The following NSD1 variants were observed in gnomAD, a reference collection of about 807,000 sequenced individuals.
NSD1 encodes nuclear receptor binding SET domain protein 1, also known as histone-lysine N-methyltransferase, H3 lysine-36 specific.
Under a neutral mutation model 242.7 loss-of-function variants are expected in NSD1, and 26 were observed. That is an observed-to-expected ratio of 0.11 (90% CI 0.08 to 0.15). The LOEUF (loss-of-function observed/expected upper bound fraction) is 0.15. Among genes scored for constraint, NSD1 ranks in the 10% least tolerant of loss-of-function variants. The pLI is 1.00. For missense variants in NSD1, 2,495 were observed against 3,272.8 expected (o/e 0.76, Z 5.80); for synonymous variants, 1,106 against 1,178.1 (o/e 0.94, Z 1.25).
At chr5:177,182,523 C>G (rs918947143) in intron 2 of NSD1, among the ~76,000 whole-genome samples, 5 of 152,122 alleles carry the variant, frequency 3.3e-5, no homozygotes, top group African/African-American at 1.2e-4. Flanking sequence ...AAATCCTGGA[C>G]TCAAGTGATT....
In NSD1 at chr5:177,295,601, C is replaced by A; in HGVS notation, c.*142C>A. On this transcript the variant is annotated 3_prime_UTR_variant, in exon 23 of 23. Transcript: ENST00000439151. This position sits in a 1 kb window ranked among gnomAD's most constrained non-coding sequence, Gnocchi z 4.3. ...CTGTTATTCTTTCCTCATATCCCAA[C>A]ACTCAGAACTCTTGTGACATTAGCC... The A allele has an allele frequency of 2.2e-6, 2 of 893,882 alleles. No homozygotes were observed. The highest frequency in any genetic ancestry group is 3.6e-6 in the Non-Finnish European group (2 of 558,138). 55.4% of individuals were successfully genotyped at this position (893,882 alleles called of 1,614,324 possible). A position where few individuals can be genotyped will look rare whatever the true frequency, so the allele number is the denominator to read the frequency against.
chr5:177,298,509 C>T lies in NSD1; in HGVS notation c.*3050C>T, dbSNP rs1760387889. On this transcript the variant is annotated 3_prime_UTR_variant, in exon 23 of 23. Transcript: ENST00000439151. ...CCCAGTCTAATAGCAAAATAGCTGTCATTGATACAGAAACATCCTCATTTT... is the reference window on the plus strand; with the variant it reads ...CCCAGTCTAATAGCAAAATAGCTGTTATTGATACAGAAACATCCTCATTTT... The T allele has an allele frequency of 8.6e-6, 2 of 233,212 alleles. No individual in the cohort carries two copies. Among genetic ancestry groups the T allele is most frequent in the Non-Finnish European group, 1.7e-5 (2 of 118,070 alleles). 14.4% of individuals were successfully genotyped at this position (233,212 alleles called of 1,614,324 possible).
intron 2 of NSD1, among the ~76,000 whole-genome samples, chr5:177,188,201 GTGTC>G (rs1477233807): frequency 1.1e-4 from 17 of 152,134 alleles, no homozygotes; most frequent in African/African-American, 4.1e-4. Context: ...ATTTATTTTA[GTGTC>G]TGTCTCTGCA....
At position 177,251,821 on chromosome 5, in the gene NSD1, G is replaced by C; in HGVS notation, c.4733G>C (p.Arg1578Thr). The C allele has an allele frequency of 6.2e-7, 1 of 1,614,230 alleles. No individual in the cohort carries two copies. The highest frequency in any genetic ancestry group is 8.5e-7 in the Non-Finnish European group (1 of 1,180,038). Residue 1578 changes from arginine (R) to threonine (T), a missense_variant, in exon 12 of 23, where the codon AGA becomes ACA. By Grantham distance (71) the Arg-to-Thr change is moderately conservative. Coordinates refer to ENST00000439151, the MANE Select transcript of NSD1 (RefSeq NM_022455.5). ...TGCCTTGGATTGACTGAGATGCCAA[G>C]AGGAAAATTTATCTGCAATGAATGT... is the stretch of plus-strand genomic sequence containing the variant. ...LECLGLTEMPRGKFICNECRT... is the reference protein window; with the variant it reads ...LECLGLTEMPTGKFICNECRT...
chr5:177,165,389 G>A (rs1330225814), intron 2 of NSD1, among the ~76,000 whole-genome samples: 2 of 152,070 alleles, frequency 1.3e-5, no homozygotes, highest in South Asian at 2.1e-4. Flanking sequence ...GATTGGTCTC[G>A]AACTCCTGAG....
At chr5:177,172,961 CAAAAA>C (rs1157349270) in intron 2 of NSD1, among the ~76,000 whole-genome samples, 3 of 66,018 alleles carry the variant, frequency 4.5e-5, no homozygotes, top group Admixed American at 1.9e-4. Context: ...GACCCTGTCT[CAAAAA>C]AAAAAAAAAA....
intron 14 of NSD1, chr5:177,265,935 T>G: frequency 1.5e-6 from 2 of 1,329,910 alleles, no homozygotes; most frequent in Non-Finnish European, 2.2e-6. Context: ...TCTACCTCCT[T>G]TATGAGGCAG....
rs1763266375 is a variant in NSD1 at position 177,210,678 on chromosome 5, G to C, written c.2279G>C (p.Ser760Thr). The C allele has an allele frequency of 6.2e-7, 1 of 1,614,152 alleles. No individual in the cohort carries two copies. Among genetic ancestry groups the C allele is most frequent in the Non-Finnish European group, 8.5e-7 (1 of 1,180,024 alleles). The change falls in exon 5 of 23, where the codon AGC becomes ACC. Residue 760 changes from serine (S) to threonine (T), a missense_variant. Coordinates refer to ENST00000439151, the MANE Select transcript of NSD1 (RefSeq NM_022455.5). Reference sequence around the variant, plus strand: ...TCTCCAAAATTCAACCTGTCATCAAGCATATCCAGTGAGAACTCGTTAATA... The same window carrying C: ...TCTCCAAAATTCAACCTGTCATCAACCATATCCAGTGAGAACTCGTTAATA... ...ALSPKFNLSS[S>T]ISSENSLIKG...
chr5:177,195,100 C>T (rs1194269694), intron 3 of NSD1, among the ~76,000 whole-genome samples: 3 of 151,948 alleles, frequency 2.0e-5, no homozygotes, highest in Admixed American at 6.6e-5. Flanking sequence ...TGGAGGTTGC[C>T]GTGATCCAAG....
chr5:177,160,134 G>C (rs1003518502), intron 2 of NSD1, among the ~76,000 whole-genome samples: 1 of 151,952 alleles, frequency 6.6e-6, no homozygotes, highest in East Asian at 1.9e-4. Context: ...CAGGTGATGT[G>C]CCTGCCTCCG....
At chr5:177,240,860 C>CA (rs1244393053) in intron 8 of NSD1, among the ~76,000 whole-genome samples, 1 of 151,638 alleles carries the variant, frequency 6.6e-6, no homozygotes, top group African/African-American at 2.4e-5. Context: ...AAAACTGTCC[C>CA]AAAAAAACCC....
In NSD1 at chr5:177,235,801, A is replaced by C; in HGVS notation, c.3797-20A>C. 1.9e-6 allele frequency: 3 copies of C among 1,613,828 alleles called. No individual in the cohort carries two copies. Among genetic ancestry groups the C allele is most frequent in the South Asian group, 1.1e-5 (1 of 91,056 alleles). ...CCTGAAGCTTTTTGATTAATGTTGAATTTGTTTATCATCTTTTAGCTGTGC... is the reference window on the plus strand; with the variant it reads ...CCTGAAGCTTTTTGATTAATGTTGACTTTGTTTATCATCTTTTAGCTGTGC... On this transcript the variant is annotated intron_variant, in intron 5 of 22. Coordinates refer to ENST00000439151, the MANE Select transcript of NSD1 (RefSeq NM_022455.5).
intron 21 of NSD1, among the ~76,000 whole-genome samples, chr5:177,290,327 T>G (rs1234248203): frequency 6.6e-6 from 1 of 151,820 alleles, no homozygotes; most frequent in Non-Finnish European, 1.5e-5. Context: ...ATGTTCCATA[T>G]GCCTTTTTGA....
In NSD1 at chr5:177,285,641, A is replaced by G. The variant is rs184133573; in HGVS notation, c.6151+1713A>G. On this transcript the variant is annotated intron_variant, in intron 20 of 22. Transcript: ENST00000439151. ...GTACAAGAAAGTTATGATTTTTCAAATGTAGTTTTGCAAGGATATGAGCAA... is the reference window on the plus strand; with the variant it reads ...GTACAAGAAAGTTATGATTTTTCAAGTGTAGTTTTGCAAGGATATGAGCAA... 2.7e-4 allele frequency among the ~76,000 whole-genome samples: 41 copies of G among 152,000 alleles called. 1 individual carries two copies. The East Asian group carries it at 7.9e-3, about 29-fold the overall frequency.
At position 177,149,240 on chromosome 5, in the gene NSD1, C is replaced by T. The variant is rs1393500588; in HGVS notation, c.927+13210C>T. On this transcript the variant is annotated intron_variant, in intron 2 of 22. Transcript: ENST00000439151. ...TTATGTTTTGTTTTTTTTTTTGAGA[C>T]GGAATGTTGCTCTTGTTGCCCAGAC... is the stretch of plus-strand genomic sequence containing the variant. 1.3e-4 allele frequency among the ~76,000 whole-genome samples: 19 copies of T among 150,066 alleles called. No homozygotes were observed. The East Asian group carries it at 2.4e-3, about 19-fold the overall frequency.
chr5:177,135,321 G>T lies in NSD1; in HGVS notation c.218G>T (p.Arg73Leu). 6.2e-7 allele frequency: 1 copy of T among 1,613,124 alleles called. No individual in the cohort carries two copies. Among genetic ancestry groups the T allele is most frequent in the South Asian group, 1.1e-5 (1 of 91,072 alleles). Residue 73 changes from arginine (R) to leucine (L), a missense_variant, in exon 2 of 23, where the codon CGG becomes CTG. Arg to Leu is a moderately radical substitution (Grantham distance 102). This residue lies in a region of NSD1 where 376 missense variants were observed against 367.4 expected (regional missense o/e 1.02). Coordinates refer to ENST00000439151, the MANE Select transcript of NSD1 (RefSeq NM_022455.5). Reference sequence around the variant, plus strand: ...TCTCCATCTTGTTACATTCCACTGCGGAGACTACAGGATTTGGCCTCCATG... The same window carrying T: ...TCTCCATCTTGTTACATTCCACTGCTGAGACTACAGGATTTGGCCTCCATG... The part of the protein sequence containing the change: ...QDSPSCYIPL[R>L]RLQDLASMIN...
intron 2 of NSD1, among the ~76,000 whole-genome samples, chr5:177,145,858 A>G (rs1008308787): frequency 2.0e-5 from 3 of 150,912 alleles, no homozygotes; most frequent in African/African-American, 7.3e-5. Context: ...TAGTGAGCCA[A>G]GATCGTGCCA....
At chr5:177,201,469 G>T (rs1332580857) in intron 3 of NSD1, among the ~76,000 whole-genome samples, 1 of 151,516 alleles carries the variant, frequency 6.6e-6, no homozygotes, top group Non-Finnish European at 1.5e-5. Flanking sequence ...TTATGATAGT[G>T]TTTAGAACTA....
At chr5:177,195,727 C>T (rs1762060168) in intron 3 of NSD1, among the ~76,000 whole-genome samples, 1 of 152,146 alleles carries the variant, frequency 6.6e-6, no homozygotes, top group African/African-American at 2.4e-5. Context: ...CCTCGGCCTC[C>T]CAAAGTACTT....
Sources: allele counts gnomAD v4.1 joint callset (sites outside exome capture counted in the v4.1 genomes callset), GRCh38; gene constraint gnomAD v4.1.1; regional missense constraint gnomAD v4.1.1; non-coding constraint Gnocchi (gnomAD v3.1); transcripts MANE v1.5; gene names NCBI Gene and HGNC (gene_info 2026-07-23, HGNC 2026-07-21).